The following IGSF11 variants were observed in gnomAD, a reference collection of about 807,000 sequenced individuals.
IGSF11 encodes the protein immunoglobulin superfamily member 11, also known as CXADR like 1.
In IGSF11, 22 loss-of-function variants were observed where a neutral mutation model predicts 41.0. That is an observed-to-expected ratio of 0.54 (90% CI 0.38 to 0.77). The LOEUF (loss-of-function observed/expected upper bound fraction) is 0.77. Among genes scored for constraint, IGSF11 ranks in the 30% least tolerant of loss-of-function variants. IGSF11 has a pLI of 0.00. For missense variants in IGSF11, 444 were observed against 530.8 expected (o/e 0.84, Z 1.61); for synonymous variants, 219 against 201.3 (o/e 1.09, Z -0.74).
At chr3:118,987,256 G>A (rs1935350911) in intron 1 of IGSF11, among the ~76,000 whole-genome samples, 1 of 152,202 alleles carries the variant, frequency 6.6e-6, no homozygotes, top group South Asian at 2.1e-4. Flanking sequence ...GGCCAGATAA[G>A]TGTGAGGGTT....
chr3:118,974,893 C>T (rs1933894607), intron 1 of IGSF11, among the ~76,000 whole-genome samples: 1 of 151,174 alleles, frequency 6.6e-6, no homozygotes, highest in South Asian at 2.1e-4. Context: ...ACCATGGTGA[C>T]AAGAAAGCAA....
intron 1 of IGSF11, among the ~76,000 whole-genome samples, chr3:119,120,952 G>A (rs1202442945): frequency 1.3e-5 from 2 of 152,112 alleles, no homozygotes; most frequent in African/African-American, 4.8e-5. Flanking sequence ...CTTTCTAACT[G>A]CCTAAAACTA....
At position 119,132,471 on chromosome 3, in the gene IGSF11, A is replaced by G. The variant is rs911643364; in HGVS notation, c.-14+13342T>C. ...TAAACCAACAAAGATGAAAAGGGAC[A>G]AAGAAGGCCATTGCGTAATATTAAA... On this transcript the variant is annotated intron_variant, in intron 1 of 7. Coordinates refer to the IGSF11 transcript ENST00000425327. Among the ~76,000 whole-genome samples, 3 of 151,942 alleles carry G rather than the reference A, an allele frequency of 2.0e-5. No homozygotes were observed. The East Asian group carries it at 5.8e-4, about 29-fold the overall frequency.
In IGSF11 at chr3:119,127,452, C is replaced by T. The variant is rs562986029; in HGVS notation, c.-14+18361G>A. ...TGGAAACAAGATGGAAAACACACTTCAGCATATGATCCAGGAAGATTTCCC... is the reference window on the plus strand; with the variant it reads ...TGGAAACAAGATGGAAAACACACTTTAGCATATGATCCAGGAAGATTTCCC... On this transcript the variant is annotated intron_variant, in intron 1 of 7. Transcript: ENST00000425327. Among the ~76,000 whole-genome samples, 12 of 152,212 alleles carry T rather than the reference C, an allele frequency of 7.9e-5. No homozygotes were observed. The South Asian group carries it at 2.5e-3, about 32-fold the overall frequency.
chr3:119,105,588 C>T (rs2077009634), upstream of IGSF11, among the ~76,000 whole-genome samples: 3 of 152,310 alleles, frequency 2.0e-5, no homozygotes, highest in South Asian at 6.2e-4. Flanking sequence ...CTTATCAAAA[C>T]AGTAACACAC....
intron 1 of IGSF11, among the ~76,000 whole-genome samples, chr3:119,117,098 C>A (rs1191513552): frequency 6.6e-6 from 1 of 151,998 alleles, no homozygotes; most frequent in Non-Finnish European, 1.5e-5. Flanking sequence ...CTATTAAACT[C>A]TTTCTCTGCT....
chr3:119,081,726 T>A (rs2076589592), intron 1 of IGSF11, among the ~76,000 whole-genome samples: 1 of 152,220 alleles, frequency 6.6e-6, no homozygotes, highest in South Asian at 2.1e-4. Flanking sequence ...AGTTTTATGA[T>A]GCTGTTACTT....
chr3:119,051,238 C>A (rs1472501451), intron 1 of IGSF11, among the ~76,000 whole-genome samples: 3 of 151,526 alleles, frequency 2.0e-5, no homozygotes, highest in Non-Finnish European at 4.4e-5. Context: ...TCAGCTCACA[C>A]ATATGGGCTC....
At chr3:119,116,004 T>C (rs1323027712) in intron 1 of IGSF11, among the ~76,000 whole-genome samples, 3 of 152,248 alleles carry the variant, frequency 2.0e-5, no homozygotes, top group African/African-American at 4.8e-5. Context: ...GTGAATTTAC[T>C]CTACCTCTAA....
chr3:119,074,473 C>G (rs1375189138), intron 1 of IGSF11, among the ~76,000 whole-genome samples: 1 of 151,696 alleles, frequency 6.6e-6, no homozygotes, highest in Non-Finnish European at 1.5e-5. Context: ...AATGACAGTA[C>G]AGATACAACA....
At chr3:118,990,023 T>C (rs1437249723) in intron 1 of IGSF11, among the ~76,000 whole-genome samples, 1 of 152,142 alleles carries the variant, frequency 6.6e-6, no homozygotes, top group African/African-American at 2.4e-5. Flanking sequence ...GATGGTATTT[T>C]TATAAAAATA....
chr3:119,029,344 C>T (rs1206643865), intron 1 of IGSF11, among the ~76,000 whole-genome samples: 1 of 151,870 alleles, frequency 6.6e-6, no homozygotes, highest in East Asian at 1.9e-4. Flanking sequence ...TTTTATTATA[C>T]AGTTAACTTC....
At chr3:119,080,790 T>A (rs961474991) in intron 1 of IGSF11, among the ~76,000 whole-genome samples, 7 of 152,154 alleles carry the variant, frequency 4.6e-5, no homozygotes, top group Admixed American at 6.5e-5. Flanking sequence ...TCCTAAGTAC[T>A]ATTTGAAAGT....
At chr3:118,987,067 G>C (rs921996104) in intron 1 of IGSF11, among the ~76,000 whole-genome samples, 1 of 152,148 alleles carries the variant, frequency 6.6e-6, no homozygotes, top group African/African-American at 2.4e-5. Flanking sequence ...CAAACACATG[G>C]ACCAGGAAAA....
At chr3:119,110,224 TA>T (rs1221202573) in intron 1 of IGSF11, among the ~76,000 whole-genome samples, 1 of 152,110 alleles carries the variant, frequency 6.6e-6, no homozygotes, top group East Asian at 1.9e-4. Context: ...TGTGGGAGTC[TA>T]AGTCTCTTTG....
At chr3:119,009,891 C>T (rs748917109) in intron 1 of IGSF11, among the ~76,000 whole-genome samples, 2 of 151,566 alleles carry the variant, frequency 1.3e-5, no homozygotes, top group Non-Finnish European at 2.9e-5. Flanking sequence ...TGACATCTAC[C>T]TTGAATTATA....
At chr3:119,075,967 A>G (rs538652623) in intron 1 of IGSF11, among the ~76,000 whole-genome samples, 1 of 152,318 alleles carries the variant, frequency 6.6e-6, no homozygotes, top group South Asian at 2.1e-4. Context: ...ATCCTAAGCC[A>G]AAAGAACAAA....
intron 4 of IGSF11, among the ~76,000 whole-genome samples, chr3:118,920,778 A>G (rs1941699125): frequency 6.6e-6 from 1 of 152,200 alleles, no homozygotes; most frequent in African/African-American, 2.4e-5. Context: ...ATAATAACAT[A>G]GCTGAAGCAT....
chr3:118,988,945 T>C (rs908863836), intron 1 of IGSF11, among the ~76,000 whole-genome samples: 1 of 152,206 alleles, frequency 6.6e-6, no homozygotes, highest in African/African-American at 2.4e-5. Context: ...ACTTTCACTA[T>C]GACATCATGA....
Sources: gnomAD v4.1 joint callset for allele counts (sites outside exome capture counted in the v4.1 genomes callset) on GRCh38, gnomAD v4.1.1 for gene constraint, MANE v1.5 for transcripts, NCBI Gene and HGNC (gene_info 2026-07-23, HGNC 2026-07-21) for gene names.